SUGCT: variants seen among roughly 807,000 people sequenced by gnomAD.
The protein encoded by SUGCT is succinyl-CoA:glutarate-CoA transferase, also known as succinyl-CoA:glutarate CoA-transferase.
SUGCT carries 41 observed loss-of-function variants against 55.0 expected under a neutral mutation model. The observed-to-expected ratio is 0.74, with a 90% CI of 0.58 to 0.97. The LOEUF (loss-of-function observed/expected upper bound fraction) is 0.97, where lower values mean the gene tolerates loss of function less well. Ranked by LOEUF, SUGCT falls within the 50% of genes least tolerant of loss-of-function variation. SUGCT has a pLI of 0.00. For missense variants in SUGCT, 568 were observed against 547.8 expected, an observed-to-expected ratio of 1.04 and a Z score of -0.37; for synonymous variants, 187 against 200.4, an observed-to-expected ratio of 0.93 and a Z score of 0.56.
chr7:40,922,099 T>C, the SUGCT span, among the ~76,000 whole-genome samples: 2 of 152,206 alleles, frequency 1.3e-5, no homozygotes, highest in South Asian at 4.1e-4. Context: ...TTTCCATGGT[T>C]ATCCAATGCT....
chr7:40,781,778 G>A (rs952173634), intron 13 of SUGCT, among the ~76,000 whole-genome samples: 2 of 152,094 alleles, frequency 1.3e-5, no homozygotes, highest in African/African-American at 4.8e-5. Context: ...CAGCTTCTCA[G>A]GCAACTTCTT....
intron 13 of SUGCT, among the ~76,000 whole-genome samples, chr7:40,815,645 G>A (rs1297193035): frequency 6.6e-6 from 1 of 152,188 alleles, no homozygotes; most frequent in Non-Finnish European, 1.5e-5. Flanking sequence ...CTCTGCATCT[G>A]GATCTCTGCA....
At chr7:40,595,721 A>G (rs150744018) in intron 12 of SUGCT, among the ~76,000 whole-genome samples, 46 of 152,096 alleles carry the variant, frequency 3.0e-4, no homozygotes, top group African/African-American at 1.1e-3. Flanking sequence ...CTTCAAAATC[A>G]TTTAGCTGTC....
At chr7:40,961,496 A>C in the SUGCT span, among the ~76,000 whole-genome samples, 34 of 152,296 alleles carry the variant, frequency 2.2e-4, no homozygotes, top group African/African-American at 7.9e-4. Flanking sequence ...TTCATCTCAC[A>C]CCTTTTGTGG....
chr7:40,995,604 CT>C, the SUGCT span, among the ~76,000 whole-genome samples: 11 of 151,078 alleles, frequency 7.3e-5, no homozygotes, highest in East Asian at 1.9e-4. Flanking sequence ...GGTTCTTCAG[CT>C]TTTTTTTTCT....
intron 12 of SUGCT, among the ~76,000 whole-genome samples, chr7:40,581,808 A>G (rs879531612): frequency 1.1e-4 from 16 of 152,196 alleles, no homozygotes; most frequent in Non-Finnish European, 1.9e-4. Flanking sequence ...CCGGGAAAGA[A>G]AAGTCCACCT....
intron 11 of SUGCT, among the ~76,000 whole-genome samples, chr7:40,487,714 A>G (rs887668299): frequency 3.9e-5 from 6 of 152,114 alleles, no homozygotes; most frequent in Non-Finnish European, 7.4e-5. Flanking sequence ...ATGTATTTAC[A>G]ATTGTTATGT....
chr7:41,032,431 T>C, the SUGCT span, among the ~76,000 whole-genome samples: 2 of 152,176 alleles, frequency 1.3e-5, no homozygotes, highest in Admixed American at 1.3e-4. Flanking sequence ...AAAGTTTCAT[T>C]TTCCTGATAC....
intron 8 of SUGCT, among the ~76,000 whole-genome samples, chr7:40,288,804 T>C (rs1793523569): frequency 6.6e-6 from 1 of 152,172 alleles, no homozygotes. Flanking sequence ...TTTTTTCTTA[T>C]ATGATGTCCT....
intron 9 of SUGCT, among the ~76,000 whole-genome samples, chr7:40,342,821 T>G (rs1238108866): frequency 6.6e-6 from 1 of 152,116 alleles, no homozygotes; most frequent in Non-Finnish European, 1.5e-5. Context: ...TTTTGTATTT[T>G]TAGTAGAGAT....
At chr7:40,818,013 A>G (rs1791765427) in intron 13 of SUGCT, among the ~76,000 whole-genome samples, 1 of 152,208 alleles carries the variant, frequency 6.6e-6, no homozygotes, top group Non-Finnish European at 1.5e-5. Flanking sequence ...AATTATAACT[A>G]TACACTCAGA....
At chr7:40,629,782 T>A (rs1182290820) in intron 12 of SUGCT, among the ~76,000 whole-genome samples, 2 of 152,204 alleles carry the variant, frequency 1.3e-5, no homozygotes, top group Non-Finnish European at 2.9e-5. Flanking sequence ...TACATGTAAC[T>A]TTTTGCATAT....
chr7:40,769,098 T>TAA (rs113250879), intron 13 of SUGCT, among the ~76,000 whole-genome samples: 1 of 150,736 alleles, frequency 6.6e-6, no homozygotes, highest in Non-Finnish European at 1.5e-5. Context: ...TGGGGAGCAG[T>TAA]AAAAAAAAAC....
intron 12 of SUGCT, among the ~76,000 whole-genome samples, chr7:40,669,660 T>G (rs995043999): frequency 6.8e-6 from 1 of 148,024 alleles, no homozygotes; most frequent in Non-Finnish European, 1.5e-5. Context: ...AAAAAAACCC[T>G]CAACTTAATG....
intron 13 of SUGCT, among the ~76,000 whole-genome samples, chr7:40,847,575 C>G (rs1419200056): frequency 6.6e-6 from 1 of 151,852 alleles, no homozygotes; most frequent in Non-Finnish European, 1.5e-5. Flanking sequence ...CATCACCACG[C>G]CTGGCTAATT....
At chr7:40,992,704 G>A in the SUGCT span, among the ~76,000 whole-genome samples, 2 of 152,134 alleles carry the variant, frequency 1.3e-5, no homozygotes, top group African/African-American at 4.8e-5. Flanking sequence ...TTTGGCTTTG[G>A]AGTGAGCCAA....
At chr7:40,668,413 A>G (rs1801760324) in intron 12 of SUGCT, among the ~76,000 whole-genome samples, 1 of 152,208 alleles carries the variant, frequency 6.6e-6, no homozygotes, top group Non-Finnish European at 1.5e-5. Flanking sequence ...TATTTACCAA[A>G]ATATTTTTGT....
At chr7:40,256,613 C>T (rs1584481553) in intron 7 of SUGCT, among the ~76,000 whole-genome samples, 1 of 152,116 alleles carries the variant, frequency 6.6e-6, no homozygotes, top group Non-Finnish European at 1.5e-5. Flanking sequence ...GATTCAAGCC[C>T]TTTGTTTGGA....
chr7:40,534,526 G>A (rs1479344915), intron 12 of SUGCT, among the ~76,000 whole-genome samples: 1 of 152,122 alleles, frequency 6.6e-6, no homozygotes, highest in Non-Finnish European at 1.5e-5. Context: ...TGGGACTACA[G>A]GCATGTGCTG....
Sources: allele counts gnomAD v4.1 joint callset (sites outside exome capture counted in the v4.1 genomes callset), GRCh38; gene constraint gnomAD v4.1.1; transcripts MANE v1.5; gene names NCBI Gene and HGNC (gene_info 2026-07-23, HGNC 2026-07-21).